The following RXYLT1 variants were observed in gnomAD, a reference collection of about 807,000 sequenced individuals.
RXYLT1 encodes the protein ribitol-5-phosphate xylosyltransferase 1.
In RXYLT1, 41 loss-of-function variants were observed where a neutral mutation model predicts 43.5. The observed-to-expected ratio is 0.94, with a 90% confidence interval of 0.73 to 1.22. The LOEUF (loss-of-function observed/expected upper bound fraction) is 1.22, where lower values mean the gene tolerates loss of function less well. RXYLT1 is among the 50% of genes most tolerant of loss of function. The pLI is 0.00. For missense variants in RXYLT1, 514 were observed against 532.0 expected, an observed-to-expected ratio of 0.97 and a Z score of 0.33; for synonymous variants, 166 against 194.4, an observed-to-expected ratio of 0.85 and a Z score of 1.21.
At chr12:63,783,600 A>G (rs1056584676) in intron 2 of RXYLT1, among the ~76,000 whole-genome samples, 5 of 152,086 alleles carry the variant, frequency 3.3e-5, no homozygotes, top group African/African-American at 1.2e-4. Flanking sequence ...CCATATTTCT[A>G]TCTGCAGGTT....
chr12:63,799,529 G>T (rs146464452), intron 3 of RXYLT1, among the ~76,000 whole-genome samples: 1 of 151,754 alleles, frequency 6.6e-6, no homozygotes, highest in Admixed American at 6.6e-5. Context: ...GGACTCAAGC[G>T]ATCCGCCTAC....
chr12:63,786,247 A>G (rs1897797568), intron 3 of RXYLT1, among the ~76,000 whole-genome samples: 1 of 152,212 alleles, frequency 6.6e-6, no homozygotes, highest in Non-Finnish European at 1.5e-5. Flanking sequence ...TTAAAATTAT[A>G]CATTGTTACT....
At chr12:63,801,027 TA>T (rs957364222) in intron 3 of RXYLT1, among the ~76,000 whole-genome samples, 22 of 152,160 alleles carry the variant, frequency 1.4e-4, no homozygotes, top group African/African-American at 4.3e-4. Flanking sequence ...ATTTTCCTGT[TA>T]AAAAAATTAA....
At chr12:63,797,243 C>A (rs576175707) in intron 3 of RXYLT1, among the ~76,000 whole-genome samples, 1 of 152,086 alleles carries the variant, frequency 6.6e-6, no homozygotes, top group South Asian at 2.1e-4. Context: ...GGATTACAGG[C>A]GTGAGCCACC....
In RXYLT1 at chr12:63,780,227, G is replaced by A. The variant is rs1897646215; in HGVS notation, c.169+98G>A. 5.8e-6 allele frequency: 8 copies of A among 1,389,640 alleles called. No homozygotes were observed. The South Asian group carries it at 8.2e-5, about 14-fold the overall frequency. 86.1% of individuals were successfully genotyped at this position (1,389,640 alleles called of 1,614,324 possible). A position where few individuals can be genotyped will look rare whatever the true frequency, so the allele number is the denominator to read the frequency against. On this transcript the variant is annotated intron_variant, in intron 1 of 5. Coordinates refer to ENST00000261234, the MANE Select transcript of RXYLT1 (RefSeq NM_014254.3). Reference sequence around the variant, plus strand: ...CCCCGCACCCGGCTCTCAAGTCCGGGATTACCCGCAGGGCCTGAGAAGCGC... The same window carrying A: ...CCCCGCACCCGGCTCTCAAGTCCGGAATTACCCGCAGGGCCTGAGAAGCGC...
Position 63,799,328 on chromosome 12 carries a change from A to G in RXYLT1, c.429-2763A>G, listed in dbSNP as rs544553352. On this transcript the variant is annotated intron_variant, in intron 3 of 5. Coordinates refer to ENST00000261234, the MANE Select transcript of RXYLT1 (RefSeq NM_014254.3). ...TTTTTTTTTTTTTTTTTTTTTTGAG[A>G]CAACGTTTCATTGTTACCCAGGCTG... 8.0e-4 allele frequency among the ~76,000 whole-genome samples: 81 copies of G among 100,916 alleles called. 1 individual carries two copies. Among genetic ancestry groups the G allele is most frequent in the Admixed American group, 1.9e-3 (16 of 8,294 alleles). 66.2% of individuals were successfully genotyped at this position (100,916 alleles called of 152,430 possible).
At chr12:63,792,398 C>T (rs1017781565) in intron 3 of RXYLT1, among the ~76,000 whole-genome samples, 6 of 152,210 alleles carry the variant, frequency 3.9e-5, no homozygotes, top group Non-Finnish European at 4.4e-5. Context: ...CTCACCCAAG[C>T]CCATGTAGTC....
Position 63,779,931 on chromosome 12 carries a change from G to C in RXYLT1, c.-30G>C. 1 of 1,608,600 alleles carries C rather than the reference G, an allele frequency of 6.2e-7. No homozygotes were observed. The highest frequency in any genetic ancestry group is 1.7e-4 in the Middle Eastern group (1 of 6,038). ...ATTCTCTTTCCGCCCGCTCCATGGC[G>C]GTGGATGCCTGACTGGAAGCCCGAG... On this transcript the variant is annotated 5_prime_UTR_variant, in exon 1 of 6. Transcript: ENST00000261234.
chr12:63,798,443 A>G lies in RXYLT1; in HGVS notation c.429-3648A>G, dbSNP rs111278030. ...TGCAGTTTGACTAACAAACTTTCCA[A>G]CACACATATGTACATACATACATAC... On this transcript the variant is annotated intron_variant, in intron 3 of 5. Transcript: ENST00000261234. Among the ~76,000 whole-genome samples, 926 of 152,332 alleles carry G rather than the reference A, an allele frequency of 6.1e-3. 9 individuals carry two copies. The highest frequency in any genetic ancestry group is 0.021 in the African/African-American group (887 of 41,578).
In RXYLT1 at chr12:63,784,365, C is replaced by T. The variant is rs551235131; in HGVS notation, c.326-605C>T. 2.6e-5 allele frequency among the ~76,000 whole-genome samples: 4 copies of T among 152,262 alleles called. No individual in the cohort carries two copies. In the East Asian group the frequency reaches 7.7e-4, roughly 29 times the overall value. On this transcript the variant is annotated intron_variant, in intron 2 of 5. Coordinates refer to ENST00000261234, the MANE Select transcript of RXYLT1 (RefSeq NM_014254.3). ...CATAGTGCCTCATTGAGTAACACTG[C>T]TCTCCTCTACTCTCAGAGCTTTCAT...
chr12:63,800,749 CTG>C (rs967060909), intron 3 of RXYLT1, among the ~76,000 whole-genome samples: 8 of 152,076 alleles, frequency 5.3e-5, no homozygotes, highest in African/African-American at 1.9e-4. Context: ...GGCAAAAACC[CTG>C]TCTCTACTAA....
Position 63,780,122 on chromosome 12 carries a change from C to G in RXYLT1, c.162C>G (p.Arg54=), listed in dbSNP as rs762148075. ...RKGAAPARER[R]GREQSTLESE... ...GGGCGGCCCCCGCGCGGGAGAGACG[C>G]GGCCGAGGTAGGACTGGGTCGGCGG... Residue 54 remains arginine, a synonymous_variant, in exon 1 of 6, where the codon CGC becomes CGG. Transcript: ENST00000261234. 1 of 1,519,148 alleles carries G rather than the reference C, an allele frequency of 6.6e-7. No individual in the cohort carries two copies. The highest frequency in any genetic ancestry group is 8.8e-7 in the Non-Finnish European group (1 of 1,140,448). The allele number at this position is 1,519,148 out of a possible 1,614,324, so 94.1% of individuals were successfully genotyped here.
At chr12:63,791,953 T>A (rs1329599197) in intron 3 of RXYLT1, among the ~76,000 whole-genome samples, 1 of 152,220 alleles carries the variant, frequency 6.6e-6, no homozygotes, top group Non-Finnish European at 1.5e-5. Context: ...GAGACACTAT[T>A]CTCAGTGCTC....
chr12:63,786,565 T>C (rs1466333724), intron 3 of RXYLT1, among the ~76,000 whole-genome samples: 1 of 152,166 alleles, frequency 6.6e-6, no homozygotes, highest in Non-Finnish European at 1.5e-5. Context: ...TAAAAAATGC[T>C]AACAGTTATC....
chr12:63,807,412 A>C (rs974450039), intron 5 of RXYLT1: 1 of 152,264 alleles, frequency 6.6e-6, no homozygotes, highest in African/African-American at 2.4e-5. Flanking sequence ...TCAGGTGCCC[A>C]GCAGTCTTAT....
chr12:63,796,632 A>C (rs1898037035), intron 3 of RXYLT1, among the ~76,000 whole-genome samples: 1 of 152,212 alleles, frequency 6.6e-6, no homozygotes, highest in African/African-American at 2.4e-5. Context: ...GTAGTCTTAA[A>C]CGTTTTGATT....
In RXYLT1 at chr12:63,808,998, TG is replaced by T. The variant is rs1191063599; in HGVS notation, c.1239del (p.Met413IlefsTer15). The T allele has an allele frequency of 1.2e-6, 2 of 1,611,746 alleles. No homozygotes were observed. Among genetic ancestry groups the T allele is most frequent in the African/African-American group, 1.3e-5 (1 of 74,712 alleles). On this transcript the variant is annotated frameshift_variant, in exon 6 of 6. Coordinates refer to ENST00000261234, the MANE Select transcript of RXYLT1 (RefSeq NM_014254.3). LOFTEE classifies it high-confidence loss of function. ...ILQEKIERRK[M>X]LLQWYQHFKT... Reference sequence around the variant, plus strand: ...CAAGAAAAAATTGAAAGAAGAAAAATGTTACTTCAGTGGTATCAGCACTTCA... The same window carrying T: ...CAAGAAAAAATTGAAAGAAGAAAAATTTACTTCAGTGGTATCAGCACTTCA...
chr12:63,786,185 A>G (rs1897795814), intron 3 of RXYLT1, among the ~76,000 whole-genome samples: 1 of 152,200 alleles, frequency 6.6e-6, no homozygotes, highest in African/African-American at 2.4e-5. Flanking sequence ...TCCATAATAT[A>G]TAAAATTTTC....
chr12:63,784,868 T>C lies in RXYLT1; in HGVS notation c.326-102T>C, dbSNP rs1426542679. 9 of 972,198 alleles carry C rather than the reference T, an allele frequency of 9.3e-6. No homozygotes were observed. The Admixed American group carries it at 1.1e-4, about 12-fold the overall frequency. 60.2% of individuals were successfully genotyped at this position (972,198 alleles called of 1,614,324 possible). The stretch of plus-strand genomic sequence containing the variant: ...GCCCAAAGGAGAGGCATTCTGGTTT[T>C]ATAGTCAAATGAGTAAAAGAACAGA... On this transcript the variant is annotated intron_variant, in intron 2 of 5. Coordinates refer to ENST00000261234, the MANE Select transcript of RXYLT1 (RefSeq NM_014254.3).
Sources: gnomAD v4.1 joint callset for allele counts (sites outside exome capture counted in the v4.1 genomes callset) on GRCh38, gnomAD v4.1.1 for gene constraint, MANE v1.5 for transcripts, NCBI Gene and HGNC (gene_info 2026-07-23, HGNC 2026-07-21) for gene names.